GLCE: variants seen among roughly 807,000 people sequenced by gnomAD.
The protein encoded by GLCE is glucuronic acid epimerase.
A neutral mutation model predicts 47.9 loss-of-function variants in GLCE; 19 were observed. The observed-to-expected ratio is 0.40, with a 90% CI of 0.28 to 0.58. The LOEUF is 0.58. Ranked by LOEUF, GLCE falls within the 20% of genes least tolerant of loss-of-function variation. The probability of loss-of-function intolerance (pLI) is 0.48; values close to 1 mark genes in which losing one functional copy is unlikely to be tolerated. For missense variants in GLCE, 556 were observed against 743.3 expected (o/e 0.75, Z 2.93); for synonymous variants, 245 against 263.4 (o/e 0.93, Z 0.68).
intron 1 of GLCE, among the ~76,000 whole-genome samples, chr15:69,195,388 C>T (rs1439489395): frequency 6.6e-6 from 1 of 151,840 alleles, no homozygotes; most frequent in East Asian, 1.9e-4. Flanking sequence ...ATGGAAAACA[C>T]ATCAAAGGTT....
At chr15:69,265,670 G>T (rs925820860) in intron 4 of GLCE, among the ~76,000 whole-genome samples, 12 of 152,156 alleles carry the variant, frequency 7.9e-5, no homozygotes, top group African/African-American at 2.9e-4. Context: ...GATATAAGGT[G>T]ACTGATTAAA....
chr15:69,175,428 A>G (rs979848364), intron 1 of GLCE, among the ~76,000 whole-genome samples: 12 of 152,228 alleles, frequency 7.9e-5, no homozygotes, highest in African/African-American at 2.4e-4. Flanking sequence ...GATACATTCT[A>G]GTAAATGTAC....
At chr15:69,168,648 T>C (rs1474489648) in intron 1 of GLCE, among the ~76,000 whole-genome samples, 2 of 152,050 alleles carry the variant, frequency 1.3e-5, no homozygotes, top group African/African-American at 4.8e-5. Flanking sequence ...TTCTCCTGCC[T>C]CAGCCTCCTG....
intron 4 of GLCE, among the ~76,000 whole-genome samples, chr15:69,262,428 G>A (rs1298396265): frequency 6.6e-6 from 1 of 152,172 alleles, no homozygotes; most frequent in Non-Finnish European, 1.5e-5. Context: ...TATTGCAACA[G>A]GAAATGATTA....
intron 1 of GLCE, among the ~76,000 whole-genome samples, chr15:69,197,717 T>C (rs2052014502): frequency 6.6e-6 from 1 of 152,106 alleles, no homozygotes; most frequent in South Asian, 2.1e-4. Context: ...AAAGCTTGGT[T>C]GATATGGATT....
At chr15:69,254,357 G>A (rs191829629) in intron 2 of GLCE, among the ~76,000 whole-genome samples, 1 of 152,274 alleles carries the variant, frequency 6.6e-6, no homozygotes, top group Admixed American at 6.5e-5. Flanking sequence ...ATGGCCAGAA[G>A]AAGCAACAGC....
intron 2 of GLCE, among the ~76,000 whole-genome samples, chr15:69,218,114 T>C (rs2052331715): frequency 7.0e-6 from 1 of 141,964 alleles, no homozygotes; most frequent in African/African-American, 2.7e-5. Context: ...ATTGTGCCAT[T>C]GCACTCCATC....
At chr15:69,174,011 C>T (rs1438107817) in intron 1 of GLCE, among the ~76,000 whole-genome samples, 1 of 152,040 alleles carries the variant, frequency 6.6e-6, no homozygotes, top group Non-Finnish European at 1.5e-5. Context: ...GCGCATGCCA[C>T]CACACCCAGC....
chr15:69,256,249 G>C lies in GLCE; in HGVS notation c.443G>C (p.Gly148Ala), dbSNP rs776707607. 2.5e-6 allele frequency: 4 copies of C among 1,614,044 alleles called. No homozygotes were observed. The highest frequency in any genetic ancestry group is 3.4e-6 in the Non-Finnish European group (4 of 1,179,950). ...DVYGKVVQYD[G>A]YDRFEFSHSY... ...TATGGAAAGGTGGTTCAGTATGATG[G>C]CTATGATCGGTTTGAATTCTCTCAT... is the stretch of plus-strand genomic sequence containing the variant. Residue 148 changes from glycine (G) to alanine (A), a missense_variant, in exon 3 of 5, where the codon GGC becomes GCC. By Grantham distance (60) the Gly-to-Ala change is moderately conservative. Transcript: ENST00000261858.
chr15:69,174,879 A>G lies in GLCE; in HGVS notation c.-105+14122A>G, dbSNP rs373857669. Among the ~76,000 whole-genome samples, 11 of 152,262 alleles carry G rather than the reference A, an allele frequency of 7.2e-5. No homozygotes were observed. In the East Asian group the frequency reaches 1.4e-3, roughly 19 times the overall value. ...TTTTAAAGTCATCTCGGGTTCTTCTATCCAACACTGATATTTTTCTTTCTT... is the reference window on the plus strand; with the variant it reads ...TTTTAAAGTCATCTCGGGTTCTTCTGTCCAACACTGATATTTTTCTTTCTT... On this transcript the variant is annotated intron_variant, in intron 1 of 4. Transcript: ENST00000261858.
chr15:69,205,852 G>A (rs2052144115), intron 1 of GLCE, among the ~76,000 whole-genome samples: 1 of 151,956 alleles, frequency 6.6e-6, no homozygotes, highest in African/African-American at 2.4e-5. Context: ...TAGAAGTTTA[G>A]GTGTATAGAA....
intron 3 of GLCE, among the ~76,000 whole-genome samples, chr15:69,259,171 C>T (rs113016697): frequency 1.7e-4 from 26 of 152,114 alleles, no homozygotes; most frequent in South Asian, 2.1e-4. Context: ...TGCTTTTTGC[C>T]GTATTTTCAT....
intron 2 of GLCE, among the ~76,000 whole-genome samples, chr15:69,227,193 G>A (rs938197304): frequency 1.3e-5 from 2 of 152,190 alleles, no homozygotes; most frequent in African/African-American, 4.8e-5. Flanking sequence ...CCATGTGTAA[G>A]AGAGACATTT....
chr15:69,177,982 C>T (rs1262270699), intron 1 of GLCE, among the ~76,000 whole-genome samples: 2 of 152,060 alleles, frequency 1.3e-5, no homozygotes, highest in East Asian at 3.8e-4. Context: ...TATGGGTATA[C>T]CAAAATTTAT....
At chr15:69,255,770 T>C (rs1252189724) in intron 2 of GLCE, 24 bp from the exon 3 acceptor site, 1 of 1,386,482 alleles carries the variant, frequency 7.2e-7, no homozygotes, top group Admixed American at 1.9e-5. Flanking sequence ...CTTTGCATGA[T>C]TTTTTTTCTT....
intron 2 of GLCE, among the ~76,000 whole-genome samples, chr15:69,237,569 G>A (rs139475497): frequency 5.3e-5 from 8 of 152,030 alleles, no homozygotes; most frequent in African/African-American, 1.9e-4. Context: ...CTGCACTCCA[G>A]CCCAGGTGAC....
At chr15:69,235,231 A>G (rs1481669500) in intron 2 of GLCE, among the ~76,000 whole-genome samples, 1 of 147,236 alleles carries the variant, frequency 6.8e-6, no homozygotes, top group Non-Finnish European at 1.5e-5. Flanking sequence ...CCTCAGCCTC[A>G]CAAGTAGCTG....
chr15:69,174,300 T>G (rs1005155474), intron 1 of GLCE, among the ~76,000 whole-genome samples: 20 of 152,242 alleles, frequency 1.3e-4, no homozygotes, highest in Admixed American at 1.1e-3. Context: ...GTGGTTTCTC[T>G]TCTGTGTATC....
chr15:69,163,778 C>A (rs959045859), intron 1 of GLCE, among the ~76,000 whole-genome samples: 2 of 152,064 alleles, frequency 1.3e-5, no homozygotes, highest in African/African-American at 4.8e-5. Context: ...GTTAGAGAAA[C>A]CCTAAAATTA....
Sources: gnomAD v4.1 joint callset for allele counts (sites outside exome capture counted in the v4.1 genomes callset) on GRCh38, gnomAD v4.1.1 for gene constraint, MANE v1.5 for transcripts, NCBI Gene and HGNC (gene_info 2026-07-23, HGNC 2026-07-21) for gene names.